ZNF91: variants seen among roughly 807,000 people sequenced by gnomAD.
ZNF91 encodes the protein zinc finger protein 91 (HPF7, HTF10).
A neutral mutation model predicts 12.6 loss-of-function variants in ZNF91; 7 were observed. That is an observed-to-expected ratio of 0.55 (90% CI 0.31 to 1.04). The LOEUF (loss-of-function observed/expected upper bound fraction) is 1.04. ZNF91 is among the 50% of genes least tolerant of loss of function. The pLI is 0.05. For missense variants in ZNF91, 1,217 were observed against 1,385.4 expected (o/e 0.88, Z 1.93); for synonymous variants, 453 against 462.6 (o/e 0.98, Z 0.27).
chr19:23,388,589 A>G (rs959528636), intron 1 of ZNF91, among the ~76,000 whole-genome samples: 4 of 152,166 alleles, frequency 2.6e-5, no homozygotes, highest in Non-Finnish European at 4.4e-5. Flanking sequence ...ACCAATGCGG[A>G]GGCCAAATGC....
At chr19:23,349,788 C>T (rs1182877964) in intron 3 of ZNF91, among the ~76,000 whole-genome samples, 3 of 152,042 alleles carry the variant, frequency 2.0e-5, no homozygotes, top group South Asian at 2.1e-4. Context: ...AAAACATTAA[C>T]GTGGGCAACA....
intron 1 of ZNF91, among the ~76,000 whole-genome samples, chr19:23,319,552 C>G (rs1285013816): frequency 6.7e-6 from 1 of 149,294 alleles, no homozygotes; most frequent in Non-Finnish European, 1.5e-5. Context: ...CTGGGCCCTG[C>G]CCAGTGGGCC....
chr19:23,311,010 C>T, upstream of ZNF91, among the ~76,000 whole-genome samples: 1 of 152,232 alleles, frequency 6.6e-6, no homozygotes, highest in East Asian at 1.9e-4. Flanking sequence ...CCTCTGCCTA[C>T]ACCCTGACCA....
At chr19:23,333,972 A>G (rs1967964667), downstream of ZNF91, among the ~76,000 whole-genome samples, 1 of 152,164 alleles carries the variant, frequency 6.6e-6, no homozygotes, top group Non-Finnish European at 1.5e-5. Context: ...ATAAAGATTG[A>G]TATAATATGG....
At chr19:23,323,512 TCTC>T (rs879720791) in intron 1 of ZNF91, among the ~76,000 whole-genome samples, 47 of 126,082 alleles carry the variant, frequency 3.7e-4, no homozygotes, top group African/African-American at 1.1e-3. Flanking sequence ...TTTCCTTTCT[TCTC>T]CTCTACTCTT....
chr19:23,346,713 A>G (rs1968240047), intron 3 of ZNF91, among the ~76,000 whole-genome samples: 1 of 152,132 alleles, frequency 6.6e-6, no homozygotes, highest in African/African-American at 2.4e-5. Flanking sequence ...TTGAAGCCAC[A>G]GTTCTCAGAT....
chr19:23,390,222 A>G (rs1355564643), intron 1 of ZNF91, among the ~76,000 whole-genome samples: 1 of 152,122 alleles, frequency 6.6e-6, no homozygotes, highest in Non-Finnish European at 1.5e-5. Flanking sequence ...AGGTGGAGGC[A>G]GGAGAATTGC....
chr19:23,346,090 ATGT>A (rs1599705740), intron 3 of ZNF91, among the ~76,000 whole-genome samples: 1 of 152,136 alleles, frequency 6.6e-6, no homozygotes, highest in African/African-American at 2.4e-5. Context: ...GAAACTGAAC[ATGT>A]TGTTAGAGTT....
chr19:23,305,342 C>A (rs1229418361), intron 3 of ZNF91, among the ~76,000 whole-genome samples: 1 of 152,112 alleles, frequency 6.6e-6, no homozygotes, highest in African/African-American at 2.4e-5. Flanking sequence ...TACAAGCAAC[C>A]CACTTACTCA....
Position 23,359,645 on chromosome 19 carries a change from C to T in ZNF91, c.3334G>A (p.Gly1112Ser). The T allele has an allele frequency of 6.2e-7, 1 of 1,614,022 alleles. No individual in the cohort carries two copies. Among genetic ancestry groups the T allele is most frequent in the Non-Finnish European group, 8.5e-7 (1 of 1,179,988 alleles). ...GEKPYKCGEC[G>S]KAFKESSALT... ...GCTGAGGACTCTTTAAAGGCTTTGC[C>T]ACATTCTCCACATTTGTAGGGTTTC... The change falls in exon 4 of 4, where the codon GGC (glycine) becomes AGC (serine). Residue 1112 changes from glycine (G) to serine (S), a missense_variant. This residue lies in a region of ZNF91 where 491 missense variants were observed against 489.8 expected (regional missense o/e 1.00). Transcript: ENST00000300619.
At position 23,359,946 on chromosome 19, in the gene ZNF91, T is replaced by A. The variant is rs568509929; in HGVS notation, c.3033A>T (p.Arg1011Ser). The change falls in exon 4 of 4, where the codon AGA becomes AGT. Residue 1011 changes from arginine to serine, a missense_variant. Around this residue, in one of 2 missense-constraint regions of ZNF91, gnomAD observed 491 missense variants for 489.8 expected, o/e 1.00. Coordinates refer to ENST00000300619, the MANE Select transcript of ZNF91 (RefSeq NM_003430.4). ...TCTCTCCAGTGTGCATCCTCGTATG[T>A]CTAGTTAGGGTTGAGGATTGGCTAA... ...KAFSQSSTLT[R>S]HTRMHTGEKP... 10 of 1,612,148 alleles carry A rather than the reference T, an allele frequency of 6.2e-6. No homozygotes were observed. In the Admixed American group the frequency reaches 1.0e-4, roughly 16 times the overall value.
Position 23,357,739 on chromosome 19 carries a change from T to A in ZNF91, c.*1664A>T, listed in dbSNP as rs1968528957. 6.6e-6 allele frequency: 1 copy of A among 152,154 alleles called. No individual in the cohort carries two copies. Among genetic ancestry groups the A allele is most frequent in the Admixed American group, 6.5e-5 (1 of 15,276 alleles). The allele number at this position is 152,154 out of a possible 1,614,324, so 9.4% of individuals were successfully genotyped here. Reference sequence around the variant, plus strand: ...TTGTATATAAGTTTTATTATGACCATAAAAATAATCCTGTAGTCAACAACA... The same window carrying A: ...TTGTATATAAGTTTTATTATGACCAAAAAAATAATCCTGTAGTCAACAACA... On this transcript the variant is annotated 3_prime_UTR_variant, in exon 4 of 4. Coordinates refer to ENST00000300619, the MANE Select transcript of ZNF91 (RefSeq NM_003430.4).
chr19:23,320,231 C>T (rs1967659808), intron 1 of ZNF91, among the ~76,000 whole-genome samples: 1 of 152,314 alleles, frequency 6.6e-6, no homozygotes, highest in South Asian at 2.1e-4. Flanking sequence ...CATGAGTACT[C>T]TTCTATTTAG....
At chr19:23,314,733 CT>C (rs1244141702), upstream of ZNF91, among the ~76,000 whole-genome samples, 1 of 152,170 alleles carries the variant, frequency 6.6e-6, no homozygotes, top group Non-Finnish European at 1.5e-5. Context: ...TTCCTGGGCT[CT>C]TTTTTCAGGG....
intron 3 of ZNF91, among the ~76,000 whole-genome samples, chr19:23,349,141 G>C (rs933813174): frequency 6.6e-6 from 1 of 152,100 alleles, no homozygotes; most frequent in African/African-American, 2.4e-5. Flanking sequence ...TTTTGCCCTT[G>C]CCTTGTGATC....
chr19:23,341,975 T>C (rs994125341), intron 3 of ZNF91, among the ~76,000 whole-genome samples: 4 of 152,150 alleles, frequency 2.6e-5, no homozygotes, highest in African/African-American at 4.8e-5. Flanking sequence ...AATCACTAAA[T>C]AGGAAGTAGG....
chr19:23,384,750 C>T, intron 1 of ZNF91: 1 of 626,276 alleles, frequency 1.6e-6, no homozygotes, highest in South Asian at 1.8e-5. Flanking sequence ...AGAAAGCACA[C>T]CTGGGTCAGC....
intron 3 of ZNF91, among the ~76,000 whole-genome samples, chr19:23,344,295 C>T (rs981663542): frequency 2.0e-5 from 3 of 151,968 alleles, no homozygotes; most frequent in Admixed American, 6.6e-5. Context: ...GAGGTTTCAC[C>T]GTGTTAGCCA....
At chr19:23,386,235 C>T (rs951119533) in intron 1 of ZNF91, among the ~76,000 whole-genome samples, 18 of 152,078 alleles carry the variant, frequency 1.2e-4, no homozygotes, top group Non-Finnish European at 2.5e-4. Context: ...TCATACTGTC[C>T]TCCAAAATTT....
Sources: allele counts gnomAD v4.1 joint callset (sites outside exome capture counted in the v4.1 genomes callset), GRCh38; gene constraint gnomAD v4.1.1; regional missense constraint gnomAD v4.1.1; transcripts MANE v1.5; gene names NCBI Gene and HGNC (gene_info 2026-07-23, HGNC 2026-07-21).